NPPC: variants seen among roughly 807,000 people sequenced by gnomAD.
NPPC encodes C-type natriuretic peptide.
A neutral mutation model predicts 10.2 loss-of-function variants in NPPC; 4 were observed. The observed-to-expected ratio is 0.39, with a 90% CI of 0.19 to 0.90. The LOEUF (loss-of-function observed/expected upper bound fraction) is 0.90, where lower values mean the gene tolerates loss of function less well. Ranked by LOEUF, NPPC falls within the 40% of genes least tolerant of loss-of-function variation. The pLI is 0.37. For synonymous variants in NPPC, 83 were observed against 87.3 expected, an observed-to-expected ratio of 0.95 and a Z score of 0.27; for missense variants, 182 against 173.8, an observed-to-expected ratio of 1.05 and a Z score of -0.26.
intron 1 of NPPC, 101 bp downstream of exon 1, chr2:231,926,059 C>T: frequency 2.1e-6 from 2 of 964,670 alleles, no homozygotes; most frequent in Non-Finnish European, 2.8e-6. Flanking sequence ...GAGGAGACAG[C>T]CGCCTGCCTT....
Position 231,925,735 on chromosome 2 carries a change from G to T in NPPC, c.91-20C>A. On this transcript the variant is annotated intron_variant, in intron 1 of 2. Transcript: ENST00000409852. ...CGGGACCTGTCCGAGGAAAGAGCGG[G>T]CAGGTGAAGGGACACGCGGCTGCAG... 6.5e-7 allele frequency: 1 copy of T among 1,528,910 alleles called. No individual in the cohort carries two copies. The allele number at this position is 1,528,910 out of a possible 1,614,324, so 94.7% of individuals were successfully genotyped here.
intron 1 of NPPC, 112 bp from the exon 2 acceptor site, chr2:231,925,827 G>C (rs978797804): frequency 6.3e-6 from 8 of 1,273,012 alleles, no homozygotes; most frequent in Non-Finnish European, 7.2e-6. Context: ...CAAGCCCAGA[G>C]CCGCCCCCAC....
intron 2 of NPPC, among the ~76,000 whole-genome samples, chr2:231,924,878 C>T (rs907372025): frequency 3.3e-5 from 5 of 152,218 alleles, no homozygotes; most frequent in Middle Eastern, 3.2e-3. Flanking sequence ...CCTCAGGACC[C>T]TGGACAGACC....
chr2:231,923,391 A>G (rs1691956855), intron 2 of NPPC, among the ~76,000 whole-genome samples: 1 of 152,230 alleles, frequency 6.6e-6, no homozygotes, highest in Non-Finnish European at 1.5e-5. Context: ...AACAGCCACA[A>G]CCTCAAAGAG....
At chr2:231,925,772 C>T (rs1691998386) in intron 1 of NPPC, 57 bp from the exon 2 acceptor site, 1 of 1,445,706 alleles carries the variant, frequency 6.9e-7, no homozygotes, top group African/African-American at 1.4e-5. Context: ...ACGGGGGACT[C>T]TGATGCTCCA....
At position 231,926,320 on chromosome 2, in the gene NPPC, G is replaced by A. The variant is rs1692008809; in HGVS notation, c.-71C>T. 1.9e-6 allele frequency: 2 copies of A among 1,049,214 alleles called. No individual in the cohort carries two copies. The highest frequency in any genetic ancestry group is 2.5e-6 in the Non-Finnish European group (2 of 813,384). 65.0% of individuals were successfully genotyped at this position (1,049,214 alleles called of 1,614,324 possible). On this transcript the variant is annotated 5_prime_UTR_variant, in exon 1 of 3. Coordinates refer to ENST00000409852, the MANE Select transcript of NPPC (RefSeq NM_024409.4). Reference sequence around the variant, plus strand: ...CGCAGGTCGGCGGGCAGACCAGCAGGGGGATGCGGAGCAGGCTGGCTGGGC... The same window carrying A: ...CGCAGGTCGGCGGGCAGACCAGCAGAGGGATGCGGAGCAGGCTGGCTGGGC...
chr2:231,923,531 G>A (rs1691958584), intron 2 of NPPC, among the ~76,000 whole-genome samples: 2 of 152,140 alleles, frequency 1.3e-5, no homozygotes, highest in African/African-American at 4.8e-5. Flanking sequence ...AGTGAGGGTG[G>A]GGTTTTTATT....
At chr2:231,925,315 C>G in intron 2 of NPPC, 90 bp downstream of exon 2, 1 of 1,155,124 alleles carries the variant, frequency 8.7e-7, no homozygotes, top group Non-Finnish European at 1.1e-6. Flanking sequence ...ACAACTTGAG[C>G]AAAGGCGGCT....
chr2:231,923,689 C>T (rs1015049284), intron 2 of NPPC, among the ~76,000 whole-genome samples: 3 of 152,166 alleles, frequency 2.0e-5, no homozygotes, highest in African/African-American at 7.2e-5. Context: ...TTATTGAACC[C>T]CCCTGATCAA....
At position 231,926,323 on chromosome 2, in the gene NPPC, G is replaced by T; in HGVS notation, c.-74C>A. ...AGGTCGGCGGGCAGACCAGCAGGGGGATGCGGAGCAGGCTGGCTGGGCTGC... is the reference window on the plus strand; with the variant it reads ...AGGTCGGCGGGCAGACCAGCAGGGGTATGCGGAGCAGGCTGGCTGGGCTGC... On this transcript the variant is annotated 5_prime_UTR_variant, in exon 1 of 3. Transcript: ENST00000409852. The T allele has an allele frequency of 2.9e-6, 3 of 1,019,746 alleles. No homozygotes were observed. Among genetic ancestry groups the T allele is most frequent in the Non-Finnish European group, 3.8e-6 (3 of 787,036 alleles). The allele number at this position is 1,019,746 out of a possible 1,614,324, so 63.2% of individuals were successfully genotyped here.
rs193007644 is a variant in NPPC at position 231,923,922 on chromosome 2, C to T, written c.*20+1483G>A. Among the ~76,000 whole-genome samples, 123 of 152,340 alleles carry T rather than the reference C, an allele frequency of 8.1e-4. 1 individual carries two copies. The East Asian group carries it at 0.022, about 27-fold the overall frequency. On this transcript the variant is annotated intron_variant, in intron 2 of 2. Coordinates refer to ENST00000409852, the MANE Select transcript of NPPC (RefSeq NM_024409.4). ...ACTGAAAATTTGAGGCCTCAGACTCCGTCTCTTTGTTGTTTAGACAGGAGA... is the reference window on the plus strand; with the variant it reads ...ACTGAAAATTTGAGGCCTCAGACTCTGTCTCTTTGTTGTTTAGACAGGAGA...
intron 1 of NPPC, among the ~76,000 whole-genome samples, chr2:231,925,939 C>T (rs1005996761): frequency 2.0e-5 from 3 of 152,226 alleles, no homozygotes; most frequent in Non-Finnish European, 4.4e-5. Flanking sequence ...CCGGGCAGGC[C>T]ACACTGGGGT....
Position 231,925,448 on chromosome 2 carries a change from A to T in NPPC, c.358T>A (p.Ser120Thr). ...CFGLKLDRIGSMSGLGC is the reference protein window; with the variant it reads ...CFGLKLDRIGTMSGLGC ...CACTAACATCCCAGGCCGCTCATGG[A>T]GCCGATTCGGTCCAGCTTGAGGCCG... The change falls in exon 2 of 3, where the codon TCC becomes ACC. Residue 120 changes from serine to threonine, a missense_variant. Ser to Thr is a moderately conservative substitution (Grantham distance 58). Coordinates refer to ENST00000409852, the MANE Select transcript of NPPC (RefSeq NM_024409.4). 1 of 1,608,826 alleles carries T rather than the reference A, an allele frequency of 6.2e-7. No individual in the cohort carries two copies. The highest frequency in any genetic ancestry group is 8.5e-7 in the Non-Finnish European group (1 of 1,177,802).
rs748278577 is a variant in NPPC at position 231,925,624 on chromosome 2, C to A, written c.182G>T (p.Gly61Val). ...KKGDKAPGGG[G>V]ANLKGDRSRL... ...CGACCGGTCGCCCTTGAGATTGGCGCCCCCGCCCCCGGGAGCCTTGTCGCC... is the reference window on the plus strand; with the variant it reads ...CGACCGGTCGCCCTTGAGATTGGCGACCCCGCCCCCGGGAGCCTTGTCGCC... The change falls in exon 2 of 3, where the codon GGC becomes GTC. Residue 61 changes from glycine to valine, a missense_variant. Transcript: ENST00000409852. 205 of 1,608,520 alleles carry A rather than the reference C, an allele frequency of 1.3e-4. No individual in the cohort carries two copies. The East Asian group carries it at 4.5e-3, about 36-fold the overall frequency.
chr2:231,923,620 G>A (rs1246211396), intron 2 of NPPC, among the ~76,000 whole-genome samples: 2 of 152,228 alleles, frequency 1.3e-5, no homozygotes, highest in Non-Finnish European at 2.9e-5. Flanking sequence ...TTGGGCGTAA[G>A]CCGGTGTTGA....
At chr2:231,924,929 G>C (rs1691979590) in intron 2 of NPPC, among the ~76,000 whole-genome samples, 1 of 152,182 alleles carries the variant, frequency 6.6e-6, no homozygotes, top group Non-Finnish European at 1.5e-5. Context: ...GACAGGAATC[G>C]GAGTGTCCCA....
At chr2:231,924,897 C>T (rs1490611643) in intron 2 of NPPC, among the ~76,000 whole-genome samples, 1 of 152,226 alleles carries the variant, frequency 6.6e-6, no homozygotes, top group Non-Finnish European at 1.5e-5. Flanking sequence ...CCAGTTTGCC[C>T]ACTGCCTGGG....
chr2:231,925,323 G>C (rs1182365431), intron 2 of NPPC, 82 bp downstream of exon 2: 19 of 1,221,866 alleles, frequency 1.6e-5, no homozygotes, highest in Non-Finnish European at 1.9e-5. Flanking sequence ...AGCAAAGGCG[G>C]CTCGCGCGCC....
Position 231,926,166 on chromosome 2 carries a change from C to T in NPPC, c.84G>A (p.Pro28=). ...LRPSEAKPGA[P]PKVPRTPPAE... ...TCCCCACGACAGCACCCACCTTCGG[C>T]GGCGCCCCGGGCTTGGCTTCGGAGG... is the stretch of plus-strand genomic sequence containing the variant. Residue 28 remains proline, a synonymous_variant, in exon 1 of 3, where the codon CCG becomes CCA. Coordinates refer to ENST00000409852, the MANE Select transcript of NPPC (RefSeq NM_024409.4). The T allele has an allele frequency of 1.5e-6, 2 of 1,291,954 alleles. No individual in the cohort carries two copies. Among genetic ancestry groups the T allele is most frequent in the Non-Finnish European group, 2.0e-6 (2 of 1,019,048 alleles). 80.0% of individuals were successfully genotyped at this position (1,291,954 alleles called of 1,614,324 possible).
Sources: allele counts gnomAD v4.1 joint callset (sites outside exome capture counted in the v4.1 genomes callset), GRCh38; gene constraint gnomAD v4.1.1; transcripts MANE v1.5; gene names NCBI Gene and HGNC (gene_info 2026-07-23, HGNC 2026-07-21).